The following SUSD3 variants were observed in gnomAD, a reference collection of about 807,000 sequenced individuals.
The protein encoded by SUSD3 is sushi domain containing 3.
In SUSD3, 18 loss-of-function variants were observed where a neutral mutation model predicts 20.6. That is an observed-to-expected ratio of 0.87 (90% CI 0.60 to 1.30). The LOEUF (loss-of-function observed/expected upper bound fraction) is 1.30. Among genes scored for constraint, SUSD3 ranks in the 50% most tolerant of loss-of-function variants. The pLI, the probability that SUSD3 is intolerant of heterozygous loss-of-function variation, is 0.00. For synonymous variants in SUSD3, 137 were observed against 141.5 expected, an observed-to-expected ratio of 0.97 and a Z score of 0.23; for missense variants, 306 against 346.9, an observed-to-expected ratio of 0.88 and a Z score of 0.94.
chr9:93,063,018 C>T (rs1368920478), intron 1 of SUSD3, among the ~76,000 whole-genome samples: 1 of 152,192 alleles, frequency 6.6e-6, no homozygotes, highest in Admixed American at 6.5e-5. Flanking sequence ...CTTGGCACTG[C>T]CATCATGCAG....
chr9:93,060,690 G>T (rs575912713), intron 1 of SUSD3, among the ~76,000 whole-genome samples: 4 of 152,192 alleles, frequency 2.6e-5, no homozygotes, highest in African/African-American at 9.6e-5. Flanking sequence ...AAAAAAATTA[G>T]CTGAGCATGG....
chr9:93,058,753 C>A lies in SUSD3; in HGVS notation c.11C>A (p.Ala4Glu). The A allele has an allele frequency of 8.1e-7, 1 of 1,235,732 alleles. No individual in the cohort carries two copies. Among genetic ancestry groups the A allele is most frequent in the Non-Finnish European group, 1.0e-6 (1 of 989,562 alleles). 76.5% of individuals were successfully genotyped at this position (1,235,732 alleles called of 1,614,324 possible). A position where few individuals can be genotyped will look rare whatever the true frequency, so the allele number is the denominator to read the frequency against. MRW[A>E]AATLRGKARP... ...CTCGGAGCGCGCAGGATGCGCTGGG[C>A]GGCCGCCACCCTCCGTGGCAAGGCG... Residue 4 changes from alanine to glutamate, a missense_variant, in exon 1 of 5, where the codon GCG becomes GAG. Coordinates refer to ENST00000375472, the MANE Select transcript of SUSD3 (RefSeq NM_145006.4).
chr9:93,076,665 G>A (rs549534257), intron 2 of SUSD3, among the ~76,000 whole-genome samples: 1 of 152,372 alleles, frequency 6.6e-6, no homozygotes, highest in Non-Finnish European at 1.5e-5. Flanking sequence ...AAATGTTCAC[G>A]TGCTAGGTGA....
At position 93,079,470 on chromosome 9, in the gene SUSD3, G is replaced by T; in HGVS notation, c.426-1G>T. The T allele has an allele frequency of 6.2e-7, 1 of 1,613,874 alleles. No homozygotes were observed. The highest frequency in any genetic ancestry group is 8.5e-7 in the Non-Finnish European group (1 of 1,179,860). On this transcript the variant is annotated splice_acceptor_variant, in intron 3 of 4. Transcript: ENST00000375472. LOFTEE classifies it high-confidence loss of function. ...GTCCTTCCTCCCAAACTCTCCTCCA[G>T]GTCAGCCCAGCTGTGGTCCCAGCTG...
At position 93,075,772 on chromosome 9, in the gene SUSD3, C is replaced by T; in HGVS notation, c.89-12C>T. On this transcript the variant is annotated splice_polypyrimidine_tract_variant and intron_variant, in intron 1 of 4. Coordinates refer to ENST00000375472, the MANE Select transcript of SUSD3 (RefSeq NM_145006.4). ...CCCCCCCGCCATGCCTCATACCTGC[C>T]TGTCTCCCCAGGCACGTGCGCTAAG... 1 of 1,316,490 alleles carries T rather than the reference C, an allele frequency of 7.6e-7. No individual in the cohort carries two copies. The highest frequency in any genetic ancestry group is 1.0e-6 in the Non-Finnish European group (1 of 969,812). 81.6% of individuals were successfully genotyped at this position (1,316,490 alleles called of 1,614,324 possible).
At chr9:93,063,395 G>T (rs2118907196) in intron 1 of SUSD3, among the ~76,000 whole-genome samples, 1 of 152,308 alleles carries the variant, frequency 6.6e-6, no homozygotes, top group South Asian at 2.1e-4. Context: ...TTTGCAGACG[G>T]GGAAGTTGAG....
intron 1 of SUSD3, 35 bp from the exon 2 acceptor site, chr9:93,075,749 C>CCCCCCCCCCCCCCCA: frequency 1.4e-5 from 3 of 215,698 alleles, no homozygotes; most frequent in South Asian, 9.4e-5. Context: ...CACCCCCCCC[C>CCCCCCCCCCCCCCCA]CCCCGCCATG....
At chr9:93,064,513 C>T (rs1376699233) in intron 1 of SUSD3, among the ~76,000 whole-genome samples, 1 of 152,250 alleles carries the variant, frequency 6.6e-6, no homozygotes, top group Admixed American at 6.5e-5. Context: ...AGAGCCCTCA[C>T]TATAGCAGAA....
intron 4 of SUSD3, among the ~76,000 whole-genome samples, chr9:93,081,381 CA>C (rs1826408266): frequency 6.6e-6 from 1 of 152,178 alleles, no homozygotes; most frequent in African/African-American, 2.4e-5. Flanking sequence ...CACTTGGTCC[CA>C]GCCCTCATGG....
At chr9:93,079,379 G>C (rs1484987903) in intron 3 of SUSD3, 92 bp from the exon 4 acceptor site, 2 of 1,444,934 alleles carry the variant, frequency 1.4e-6, no homozygotes, top group East Asian at 2.3e-5. Context: ...TGGTCCTGCA[G>C]ACGGTGCCCT....
At chr9:93,072,665 C>A (rs1170511687) in intron 1 of SUSD3, among the ~76,000 whole-genome samples, 1 of 152,170 alleles carries the variant, frequency 6.6e-6, no homozygotes. Flanking sequence ...AAAGACCTTG[C>A]CTGGGCACAC....
chr9:93,084,540 C>G lies in SUSD3; in HGVS notation c.561C>G (p.Asp187Glu). ...CTCATGCCTCCTCTCTCCACAGAGACCATGGTGAGAGCACCAGCAAGCTGG... is the reference window on the plus strand; with the variant it reads ...CTCATGCCTCCTCTCTCCACAGAGAGCATGGTGAGAGCACCAGCAAGCTGG... ...QAHDNHSFTTDHGESTSKLAS... is the reference protein window; with the variant it reads ...QAHDNHSFTTEHGESTSKLAS... The change falls in exon 5 of 5, where the codon GAC becomes GAG. Residue 187 changes from aspartate to glutamate, a missense_variant. By Grantham distance (45) the Asp-to-Glu change is conservative. Coordinates refer to ENST00000375472, the MANE Select transcript of SUSD3 (RefSeq NM_145006.4). 6.3e-7 allele frequency: 1 copy of G among 1,590,000 alleles called. No homozygotes were observed. Among genetic ancestry groups the G allele is most frequent in the South Asian group, 1.1e-5 (1 of 87,330 alleles).
chr9:93,069,258 G>A, intron 1 of SUSD3: 3 of 648,038 alleles, frequency 4.6e-6, no homozygotes, highest in Non-Finnish European at 8.5e-6. Flanking sequence ...TGGGTTATCA[G>A]ACCCCCTGAT....
intron 1 of SUSD3, among the ~76,000 whole-genome samples, chr9:93,062,550 G>T (rs1825550393): frequency 6.6e-6 from 1 of 152,206 alleles, no homozygotes; most frequent in African/African-American, 2.4e-5. Context: ...CTCAAAGACA[G>T]CTGGGGTGTG....
intron 1 of SUSD3, 89 bp downstream of exon 1, chr9:93,058,919 C>A: frequency 1.3e-6 from 1 of 774,966 alleles, no homozygotes; most frequent in Non-Finnish European, 1.8e-6. Context: ...CGGGGCCGCA[C>A]AGCCGTGGGT....
chr9:93,081,167 T>C (rs1468388697), intron 4 of SUSD3, among the ~76,000 whole-genome samples: 1 of 152,192 alleles, frequency 6.6e-6, no homozygotes, highest in Non-Finnish European at 1.5e-5. Context: ...CTGTGAGTGC[T>C]TCCTGCCTTG....
In SUSD3 at chr9:93,075,901, G is replaced by A. The variant is rs1293446477; in HGVS notation, c.206G>A (p.Gly69Glu). Residue 69 changes from glycine (G) to glutamate (E), a missense_variant, in exon 2 of 5, where the codon GGG (glycine) becomes GAG (glutamate). Transcript: ENST00000375472. Reference sequence around the variant, plus strand: ...TGCCCCTCCAACCACCAGATGGTGGGGTCTGGGCTCCTCACCTGCACCTGG... The same window carrying A: ...TGCCCCTCCAACCACCAGATGGTGGAGTCTGGGCTCCTCACCTGCACCTGG... ...FRCPSNHQMV[G>E]SGLLTCTWKG... The A allele has an allele frequency of 6.2e-7, 1 of 1,613,978 alleles. No homozygotes were observed. Among genetic ancestry groups the A allele is most frequent in the Non-Finnish European group, 8.5e-7 (1 of 1,179,940 alleles).
chr9:93,076,302 T>C (rs576706687), intron 2 of SUSD3, among the ~76,000 whole-genome samples: 1 of 139,144 alleles, frequency 7.2e-6, no homozygotes, highest in South Asian at 2.2e-4. Flanking sequence ...AGCAGGAAAC[T>C]ATGTTTGTTC....
chr9:93,064,704 C>T (rs1273002593), intron 1 of SUSD3, among the ~76,000 whole-genome samples: 1 of 152,220 alleles, frequency 6.6e-6, no homozygotes, highest in Non-Finnish European at 1.5e-5. Flanking sequence ...GGAGCTGCTC[C>T]TTCTAAAACA....
Sources: allele counts gnomAD v4.1 joint callset (sites outside exome capture counted in the v4.1 genomes callset), GRCh38; gene constraint gnomAD v4.1.1; transcripts MANE v1.5; gene names NCBI Gene and HGNC (gene_info 2026-07-23, HGNC 2026-07-21).